SF3B1: variants seen among roughly 807,000 people sequenced by gnomAD.
SF3B1 encodes splicing factor 3b subunit 1, also known as pre-mRNA processing 10.
In SF3B1, 12 loss-of-function variants were observed where a neutral mutation model predicts 153.8. That is an observed-to-expected ratio of 0.08 (90% CI 0.05 to 0.13). SF3B1 has a LOEUF of 0.13. Ranked by LOEUF, SF3B1 falls within the 10% of genes least tolerant of loss-of-function variation. The pLI, the probability that SF3B1 is intolerant of heterozygous loss-of-function variation, is 1.00. For synonymous variants in SF3B1, 498 were observed against 525.2 expected (o/e 0.95, Z 0.71); for missense variants, 513 against 1,606.1 (o/e 0.32, Z 11.63).
chr2:197,393,230 TAAGA>T (rs778381734), intron 23 of SF3B1, 42 bp from the exon 24 acceptor site: 16 of 1,316,978 alleles, frequency 1.2e-5, no homozygotes, highest in Non-Finnish European at 1.7e-5. Flanking sequence ...TGCGGTCTTA[TAAGA>T]AAGGGGGAAA....
intron 2 of SF3B1, among the ~76,000 whole-genome samples, 153 bp downstream of exon 2, chr2:197,423,655 T>C (rs1446543457): frequency 6.6e-6 from 1 of 152,248 alleles, no homozygotes; most frequent in East Asian, 1.9e-4. Flanking sequence ...GTGAAGTTTC[T>C]GAACCTTAGA....
In SF3B1 at chr2:197,401,288, A is replaced by G. The variant is rs2084934665; in HGVS notation, c.2496+112T>C. ...TCCATCTCCTTTCATAATCAAGCAC[A>G]TATAAACTGTGAGATAATCAAGGCA... is the stretch of plus-strand genomic sequence containing the variant. On this transcript the variant is annotated intron_variant, in intron 17 of 24. Coordinates refer to ENST00000335508, the MANE Select transcript of SF3B1 (RefSeq NM_012433.4). The surrounding 1 kb of genome is among the most constrained non-coding windows in gnomAD (Gnocchi z 4.2). 3 of 966,318 alleles carry G rather than the reference A, an allele frequency of 3.1e-6. No individual in the cohort carries two copies. Among genetic ancestry groups the G allele is most frequent in the African/African-American group, 1.6e-5 (1 of 61,104 alleles). The allele number at this position is 966,318 out of a possible 1,614,324, so 59.9% of individuals were successfully genotyped here.
At chr2:197,418,163 G>A (rs148185714) in intron 5 of SF3B1, among the ~76,000 whole-genome samples, 1 of 140,188 alleles carries the variant, frequency 7.1e-6, no homozygotes, top group African/African-American at 2.6e-5. Context: ...TTGAACCTGG[G>A]AAGCAGAGAT....
At position 197,405,368 on chromosome 2, in the gene SF3B1, A is replaced by G. The variant is rs757488083; in HGVS notation, c.1344T>C (p.Thr448=). 1 of 1,614,062 alleles carries G rather than the reference A, an allele frequency of 6.2e-7. No homozygotes were observed. The highest frequency in any genetic ancestry group is 2.2e-5 in the East Asian group (1 of 44,872). ...LGGMTGFHMQ[T]EDRTMKSVND... ...TAACACTTTTCATAGTTCGATCTTC[A>G]GTTTGCATGTGGAAACCAGTCATAC... is the stretch of plus-strand genomic sequence containing the variant. The change falls in exon 10 of 25, where the codon ACT becomes ACC. Residue 448 remains threonine (T), a synonymous_variant. Transcript: ENST00000335508.
At position 197,392,049 on chromosome 2, in the gene SF3B1, C is replaced by T; in HGVS notation, c.*254G>A. 1 of 285,328 alleles carries T rather than the reference C, an allele frequency of 3.5e-6. No individual in the cohort carries two copies. The highest frequency in any genetic ancestry group is 6.5e-6 in the Non-Finnish European group (1 of 153,724). The allele number at this position is 285,328 out of a possible 1,614,324, so 17.7% of individuals were successfully genotyped here. ...ACACAAGGAATGAGTTCTAAATCTT[C>T]ATAAAGATGAATTAAAAATGAAATC... On this transcript the variant is annotated 3_prime_UTR_variant, in exon 25 of 25. Coordinates refer to ENST00000335508, the MANE Select transcript of SF3B1 (RefSeq NM_012433.4).
At position 197,402,539 on chromosome 2, in the gene SF3B1, G is replaced by T. The variant is rs776512837; in HGVS notation, c.2077+17C>A. On this transcript the variant is annotated intron_variant, in intron 14 of 24. Transcript: ENST00000335508. The surrounding 1 kb of genome is among the most constrained non-coding windows in gnomAD (Gnocchi z 4.6). ...CTAAAGAAAAAAAAAAAAAGACAAA[G>T]TTACATTACAACTTACCATGTTCAA... is the stretch of plus-strand genomic sequence containing the variant. The T allele has an allele frequency of 6.3e-7, 1 of 1,581,474 alleles. No individual in the cohort carries two copies. Among genetic ancestry groups the T allele is most frequent in the Non-Finnish European group, 8.6e-7 (1 of 1,161,354 alleles).
intron 12 of SF3B1, 32 bp from the exon 13 acceptor site, chr2:197,403,067 T>G: frequency 7.1e-7 from 1 of 1,404,054 alleles, no homozygotes; most frequent in East Asian, 2.3e-5. Flanking sequence ...AAGCTACACT[T>G]TCACATCAAT....
chr2:197,398,996 C>T, intron 20 of SF3B1: 13 of 1,215,700 alleles, frequency 1.1e-5, no homozygotes, highest in Non-Finnish European at 1.4e-5. Context: ...AACAGATCTC[C>T]AGTCTCCCTG....
intron 20 of SF3B1, among the ~76,000 whole-genome samples, chr2:197,399,514 T>C (rs900601592): frequency 6.6e-6 from 1 of 152,180 alleles, no homozygotes; most frequent in African/African-American, 2.4e-5. Flanking sequence ...ATTTGTAATA[T>C]AGCTGTATTA....
chr2:197,431,277 C>T (rs547575496), intron 1 of SF3B1, among the ~76,000 whole-genome samples: 1 of 152,032 alleles, frequency 6.6e-6, no homozygotes, highest in Admixed American at 6.6e-5. Context: ...GCCACCATGC[C>T]CGGTTAATTT....
chr2:197,421,064 C>T lies in SF3B1; in HGVS notation c.265G>A (p.Ala89Thr). Residue 89 changes from alanine to threonine, a missense_variant, in exon 3 of 25, where the codon GCA becomes ACA. By Grantham distance (58) the Ala-to-Thr change is moderately conservative. Around this residue, in one of 21 missense-constraint regions of SF3B1, gnomAD observed 56 missense variants for 75.6 expected, o/e 0.74. Coordinates refer to ENST00000335508, the MANE Select transcript of SF3B1 (RefSeq NM_012433.4). ...QKKPGYHAPV[A>T]LLNDIPQSTE... ...GACTGTGGTATATCATTAAGCAATG[C>T]CACAGGGGCATGATATCCTGGCTTC... 6.2e-7 allele frequency: 1 copy of T among 1,612,550 alleles called. No homozygotes were observed. The highest frequency in any genetic ancestry group is 8.5e-7 in the Non-Finnish European group (1 of 1,179,014).
intron 23 of SF3B1, 95 bp downstream of exon 23, chr2:197,395,961 G>A (rs1166166641): frequency 8.1e-6 from 9 of 1,106,222 alleles, no homozygotes; most frequent in South Asian, 1.5e-5. Context: ...CTTTAACTAT[G>A]TTACAGTAAA....
chr2:197,418,775 G>T, intron 4 of SF3B1, 187 bp from the exon 5 acceptor site: 1 of 1,467,076 alleles, frequency 6.8e-7, no homozygotes, highest in Non-Finnish European at 9.0e-7. Context: ...TAACCTGTTT[G>T]AACACAAACA....
chr2:197,399,817 T>G (rs1052601185), intron 20 of SF3B1, among the ~76,000 whole-genome samples: 10 of 152,156 alleles, frequency 6.6e-5, no homozygotes, highest in African/African-American at 2.4e-4. Flanking sequence ...GAGCTGTGAC[T>G]ACTCCCACCT....
At chr2:197,403,298 A>G (rs539021830) in intron 12 of SF3B1, among the ~76,000 whole-genome samples, 2 of 152,364 alleles carry the variant, frequency 1.3e-5, no homozygotes, top group East Asian at 3.9e-4. Flanking sequence ...CACCATAATT[A>G]CCATCGGTGA....
At chr2:197,392,507 C>A in intron 24 of SF3B1, 46 bp from the exon 25 acceptor site, 1 of 848,356 alleles carries the variant, frequency 1.2e-6, no homozygotes, top group Non-Finnish European at 1.8e-6. Context: ...TAAGAACATA[C>A]ATAACCTTAA....
intron 8 of SF3B1, 97 bp from the exon 9 acceptor site, chr2:197,408,216 G>A: frequency 7.6e-7 from 1 of 1,313,228 alleles, no homozygotes; most frequent in Non-Finnish European, 1.1e-6. Context: ...CCTATTATTT[G>A]CTTTTATATT....
chr2:197,420,253 T>C (rs1371855342), intron 4 of SF3B1, 175 bp downstream of exon 4: 3 of 477,068 alleles, frequency 6.3e-6, no homozygotes. Context: ...ACTTGCATTA[T>C]AAAGATGAAG....
At position 197,400,602 on chromosome 2, in the gene SF3B1, T is replaced by C; in HGVS notation, c.2718+113A>G. 9.7e-7 allele frequency: 1 copy of C among 1,028,806 alleles called. No homozygotes were observed. The highest frequency in any genetic ancestry group is 1.4e-6 in the Non-Finnish European group (1 of 708,120). The allele number at this position is 1,028,806 out of a possible 1,614,324, so 63.7% of individuals were successfully genotyped here. A position where few individuals can be genotyped will look rare whatever the true frequency, so the allele number is the denominator to read the frequency against. ...ATATCGTTTGGTAACCCCCTGAGCATTTTAAAAATTACTTCAAATTCAATT... is the reference window on the plus strand; with the variant it reads ...ATATCGTTTGGTAACCCCCTGAGCACTTTAAAAATTACTTCAAATTCAATT... On this transcript the variant is annotated intron_variant, in intron 18 of 24. Coordinates refer to ENST00000335508, the MANE Select transcript of SF3B1 (RefSeq NM_012433.4). The surrounding 1 kb of genome is among the most constrained non-coding windows in gnomAD (Gnocchi z 5.0).
Sources: gnomAD v4.1 joint callset for allele counts (sites outside exome capture counted in the v4.1 genomes callset) on GRCh38, gnomAD v4.1.1 for gene constraint, gnomAD v4.1.1 regional missense constraint, Gnocchi (gnomAD v3.1) non-coding constraint, MANE v1.5 for transcripts, NCBI Gene and HGNC (gene_info 2026-07-23, HGNC 2026-07-21) for gene names.